The following PCDHA2 variants were observed in gnomAD, a reference collection of about 807,000 sequenced individuals.
PCDHA2 encodes protocadherin alpha 2.
In PCDHA2, 58 loss-of-function variants were observed where a neutral mutation model predicts 66.0. The observed-to-expected ratio is 0.88, with a 90% CI of 0.71 to 1.09. The LOEUF (loss-of-function observed/expected upper bound fraction) is 1.09. PCDHA2 is among the 50% of genes least tolerant of loss of function. The pLI is 0.00. For missense variants in PCDHA2, 1,267 were observed against 1,242.3 expected, an observed-to-expected ratio of 1.02 and a Z score of -0.30; for synonymous variants, 634 against 554.0, an observed-to-expected ratio of 1.14 and a Z score of -2.03.
intron 1 of PCDHA2, chr5:140,828,637 G>GA: frequency 1.9e-6 from 3 of 1,614,174 alleles, no homozygotes; most frequent in Non-Finnish European, 1.7e-6. Flanking sequence ...GGCTAGATGT[G>GA]AAAATAAACA....
intron 1 of PCDHA2, chr5:140,969,419 T>C: frequency 6.4e-7 from 1 of 1,563,564 alleles, no homozygotes; most frequent in Non-Finnish European, 8.7e-7. Flanking sequence ...ATTGAGTCAT[T>C]AACAGTGACA....
chr5:140,995,954 A>G (rs2097705768), intron 3 of PCDHA2, among the ~76,000 whole-genome samples: 1 of 152,226 alleles, frequency 6.6e-6, no homozygotes, highest in South Asian at 2.1e-4. Context: ...TGCACGCAAA[A>G]TGCTTAGAAC....
intron 1 of PCDHA2, among the ~76,000 whole-genome samples, chr5:140,957,475 A>G (rs2095362490): frequency 6.6e-6 from 1 of 152,192 alleles, no homozygotes; most frequent in Non-Finnish European, 1.5e-5. Flanking sequence ...ATGTATAGGA[A>G]AAAACATAGT....
intron 3 of PCDHA2, among the ~76,000 whole-genome samples, chr5:141,002,682 G>C (rs536105955): frequency 6.6e-6 from 1 of 152,140 alleles, no homozygotes; most frequent in African/African-American, 2.4e-5. Context: ...CCTATACGAC[G>C]TGCAGATTTG....
chr5:140,831,360 GTA>G (rs1292764909), intron 1 of PCDHA2: 3 of 103,666 alleles, frequency 2.9e-5, no homozygotes, highest in African/African-American at 1.2e-4. Flanking sequence ...TCACTATTTT[GTA>G]TGTGTGTGTG....
chr5:140,850,652 T>C lies in PCDHA2; in HGVS notation c.2388+53300T>C, dbSNP rs2150492321. 4 of 1,598,476 alleles carry C rather than the reference T, an allele frequency of 2.5e-6. No homozygotes were observed. In the South Asian group the frequency reaches 3.3e-5, roughly 13 times the overall value. On this transcript the variant is annotated intron_variant, in intron 1 of 3. Coordinates refer to ENST00000526136, the MANE Select transcript of PCDHA2 (RefSeq NM_018905.3). ...TGGTTCTCACGCTGCTGCTGTACAC[T>C]GTGCTGCGGTGCTCGGCGATGCCCA...
chr5:140,824,272 A>G (rs2150133871), intron 1 of PCDHA2: 3 of 1,214,738 alleles, frequency 2.5e-6, no homozygotes, highest in African/African-American at 3.0e-5. Flanking sequence ...TTCATGTATT[A>G]TATGCTTTTT....
Position 140,883,553 on chromosome 5 carries a change from G to A in PCDHA2, c.2388+86201G>A, listed in dbSNP as rs782158028. The A allele has an allele frequency of 4.3e-6, 7 of 1,614,122 alleles. No individual in the cohort carries two copies. In the South Asian group the frequency reaches 7.7e-5, roughly 18 times the overall value. On this transcript the variant is annotated intron_variant, in intron 1 of 3. Transcript: ENST00000526136. The stretch of plus-strand genomic sequence containing the variant: ...CTATGAACTGGTGGTGACCGCGCGG[G>A]ACGGGGGCTCGCCTTCGCTGTGGGC...
At chr5:140,993,123 C>G (rs925185301) in intron 3 of PCDHA2, among the ~76,000 whole-genome samples, 1 of 152,180 alleles carries the variant, frequency 6.6e-6, no homozygotes, top group African/African-American at 2.4e-5. Context: ...ACATCAATTT[C>G]CTTCTGTTGC....
intron 1 of PCDHA2, chr5:140,823,486 G>A: frequency 6.2e-7 from 1 of 1,613,254 alleles, no homozygotes; most frequent in Non-Finnish European, 8.5e-7. Flanking sequence ...TCGAGTGGGT[G>A]GCACCGGCGG....
chr5:140,948,839 G>A (rs2094310723), intron 1 of PCDHA2, among the ~76,000 whole-genome samples: 1 of 151,152 alleles, frequency 6.6e-6, no homozygotes, highest in African/African-American at 2.4e-5. Flanking sequence ...GCTTTTGTCT[G>A]TATTATTTGC....
intron 1 of PCDHA2, chr5:140,852,708 G>A (rs1175249471): frequency 1.0e-6 from 1 of 979,130 alleles, no homozygotes; most frequent in Non-Finnish European, 1.2e-6. Flanking sequence ...AAGTATCTTT[G>A]TCTTTGCACG....
At chr5:140,938,333 T>G (rs2092022298) in intron 1 of PCDHA2, among the ~76,000 whole-genome samples, 1 of 152,248 alleles carries the variant, frequency 6.6e-6, no homozygotes, top group Non-Finnish European at 1.5e-5. Context: ...GTAATGTTAA[T>G]GGATAATCTT....
At position 140,840,851 on chromosome 5, in the gene PCDHA2, A is replaced by G. The variant is rs2150309706; in HGVS notation, c.2388+43499A>G. On this transcript the variant is annotated intron_variant, in intron 1 of 3. Coordinates refer to ENST00000526136, the MANE Select transcript of PCDHA2 (RefSeq NM_018905.3). ...AAATAAATATTAATGCATTTCTTCC[A>G]CACGAAACTATGGAGGACAGTTTAC... is the stretch of plus-strand genomic sequence containing the variant. Among the ~76,000 whole-genome samples the G allele has an allele frequency of 2.2e-4, 34 of 152,166 alleles. 1 individual carries two copies. The highest frequency in any genetic ancestry group is 1.5e-5 in the Non-Finnish European group (1 of 68,006).
At chr5:140,954,947 T>G (rs2153704420) in intron 1 of PCDHA2, among the ~76,000 whole-genome samples, 1 of 152,360 alleles carries the variant, frequency 6.6e-6, no homozygotes, top group South Asian at 2.1e-4. Flanking sequence ...AGTTAATTTT[T>G]GTATAAGATG....
intron 1 of PCDHA2, among the ~76,000 whole-genome samples, chr5:140,923,065 TCTC>T: frequency 6.6e-6 from 1 of 152,304 alleles, no homozygotes; most frequent in Non-Finnish European, 1.5e-5. Context: ...AAGAGCTAGG[TCTC>T]CTCATGTCAG....
intron 1 of PCDHA2, among the ~76,000 whole-genome samples, chr5:140,872,251 T>C (rs557937835): frequency 3.3e-5 from 5 of 152,196 alleles, no homozygotes; most frequent in Non-Finnish European, 7.3e-5. Flanking sequence ...CCTGTGATAA[T>C]ACTTGTTTTC....
At chr5:140,861,466 TG>T in intron 1 of PCDHA2, 1 of 493,934 alleles carries the variant, frequency 2.0e-6, no homozygotes, top group Admixed American at 2.1e-5. Flanking sequence ...GAGGTAAATC[TG>T]CAGAATGGCA....
At chr5:140,869,139 A>C (rs2050869640) in intron 1 of PCDHA2, 1 of 1,613,156 alleles carries the variant, frequency 6.2e-7, no homozygotes, top group Admixed American at 1.7e-5. Flanking sequence ...TGGGCACCCC[A>C]CGACTACAGC....
Sources: gnomAD v4.1 joint callset for allele counts (sites outside exome capture counted in the v4.1 genomes callset) on GRCh38, gnomAD v4.1.1 for gene constraint, MANE v1.5 for transcripts, NCBI Gene and HGNC (gene_info 2026-07-23, HGNC 2026-07-21) for gene names.